SNTG1: variants seen among roughly 807,000 people sequenced by gnomAD.
SNTG1 encodes syntrophin gamma 1.
Under a neutral mutation model 74.7 loss-of-function variants are expected in SNTG1, and 39 were observed. The ratio of observed to expected loss-of-function variants is 0.52; its 90% CI spans 0.40 to 0.68. The LOEUF (loss-of-function observed/expected upper bound fraction) is 0.68. Ranked by LOEUF, SNTG1 falls within the 30% of genes least tolerant of loss-of-function variation. SNTG1 has a pLI of 0.00. For missense variants in SNTG1, 685 were observed against 609.5 expected, an observed-to-expected ratio of 1.12 and a Z score of -1.30; for synonymous variants, 254 against 217.1, an observed-to-expected ratio of 1.17 and a Z score of -1.49.
chr8:50,160,456 A>G (rs6999870), intron 1 of SNTG1, among the ~76,000 whole-genome samples: 66,086 of 152,082 alleles, frequency 0.43, 18,090 homozygotes, highest in African/African-American at 0.79. Context: ...TTAAAGGGTC[A>G]TATGGATTGC....
At chr8:50,115,525 G>A (rs1248056758) in intron 1 of SNTG1, among the ~76,000 whole-genome samples, 2 of 134,760 alleles carry the variant, frequency 1.5e-5, no homozygotes, top group Non-Finnish European at 3.1e-5. Context: ...CCAAGATCTT[G>A]CCATTGCACT....
chr8:50,408,291 T>C (rs1181575761), intron 4 of SNTG1, among the ~76,000 whole-genome samples: 1 of 152,110 alleles, frequency 6.6e-6, no homozygotes, highest in East Asian at 1.9e-4. Flanking sequence ...AACTATAAAC[T>C]ACATTTTTCC....
At chr8:50,306,082 G>A (rs11985777) in intron 2 of SNTG1, among the ~76,000 whole-genome samples, 10,060 of 130,730 alleles carry the variant, frequency 0.077, 377 homozygotes, top group African/African-American at 0.1. Context: ...AAAGTCCATT[G>A]TATCACTTTG....
At chr8:50,770,999 A>G (rs993790279) in intron 18 of SNTG1, among the ~76,000 whole-genome samples, 1 of 152,104 alleles carries the variant, frequency 6.6e-6, no homozygotes, top group Non-Finnish European at 1.5e-5. Flanking sequence ...CTTTTTTAAA[A>G]GATAAATTAT....
chr8:50,606,164 A>T (rs1364350711), intron 13 of SNTG1, among the ~76,000 whole-genome samples: 1 of 152,192 alleles, frequency 6.6e-6, no homozygotes, highest in East Asian at 1.9e-4. Context: ...TCTAAACAGA[A>T]AGTTAGAAAC....
intron 17 of SNTG1, chr8:50,709,213 C>T (rs963252147): frequency 1.9e-6 from 1 of 527,052 alleles, no homozygotes; most frequent in Non-Finnish European, 3.4e-6. Flanking sequence ...ATTTATAAGT[C>T]TATCTATGTA....
chr8:50,039,990 G>A (rs1382908868), intron 1 of SNTG1, among the ~76,000 whole-genome samples: 4 of 152,078 alleles, frequency 2.6e-5, no homozygotes, highest in Non-Finnish European at 5.9e-5. Flanking sequence ...GTGTCCAAGG[G>A]GCAGTGCACA....
chr8:50,283,139 T>C lies in SNTG1; in HGVS notation c.-28+110504T>C, dbSNP rs191896958. On this transcript the variant is annotated intron_variant, in intron 2 of 18. Transcript: ENST00000642720. Reference sequence around the variant, plus strand: ...AAAACATTAAGTAATCAACAGTGTTTGAAACAAAAAAGCGACAAAAATTAC... The same window carrying C: ...AAAACATTAAGTAATCAACAGTGTTCGAAACAAAAAAGCGACAAAAATTAC... Among the ~76,000 whole-genome samples the C allele has an allele frequency of 9.8e-5, 15 of 152,312 alleles. No individual in the cohort carries two copies. The East Asian group carries it at 2.9e-3, about 29-fold the overall frequency.
At chr8:50,374,205 AG>A (rs1347007590) in intron 2 of SNTG1, among the ~76,000 whole-genome samples, 2 of 152,210 alleles carry the variant, frequency 1.3e-5, no homozygotes, top group African/African-American at 4.8e-5. Context: ...AATTCCCTTT[AG>A]GCAAATCTTC....
intron 1 of SNTG1, among the ~76,000 whole-genome samples, chr8:49,934,097 T>G (rs894537816): frequency 6.6e-6 from 1 of 152,182 alleles, no homozygotes; most frequent in African/African-American, 2.4e-5. Context: ...CGTAAGTCTC[T>G]TATCTAGTTA....
chr8:50,660,384 A>G (rs2095214112), intron 15 of SNTG1, among the ~76,000 whole-genome samples: 1 of 116,154 alleles, frequency 8.6e-6, no homozygotes, highest in Non-Finnish European at 1.8e-5. Flanking sequence ...GAAGGAAGGA[A>G]GGAAGGAAGA....
intron 2 of SNTG1, among the ~76,000 whole-genome samples, chr8:50,293,983 T>G (rs183053660): frequency 6.6e-6 from 1 of 152,294 alleles, no homozygotes; most frequent in Non-Finnish European, 1.5e-5. Context: ...AAAGAACGTC[T>G]TATCAAGAAA....
chr8:50,633,407 C>G (rs946425793), intron 13 of SNTG1, among the ~76,000 whole-genome samples: 2 of 152,158 alleles, frequency 1.3e-5, no homozygotes, highest in Admixed American at 6.5e-5. Context: ...CATAGCCACT[C>G]TGGGTAAAAA....
intron 18 of SNTG1, among the ~76,000 whole-genome samples, chr8:50,791,514 C>A (rs2095690553): frequency 6.6e-6 from 1 of 151,604 alleles, no homozygotes; most frequent in Non-Finnish European, 1.5e-5. Flanking sequence ...AGAAAATACT[C>A]CTCGGATGAA....
At position 50,462,679 on chromosome 8, in the gene SNTG1, GGAAGAGTTTCCTT is replaced by G. The variant is rs538497184; in HGVS notation, c.363+11951_363+11963del. On this transcript the variant is annotated intron_variant, in intron 8 of 18. Transcript: ENST00000642720. ...AAGAACGTTCACAGCATCTTCACCA[GGAAGAGTTTCCTT>G]TGCAATAAACCACTTTCTTTGCTCT... is the stretch of plus-strand genomic sequence containing the variant. Among the ~76,000 whole-genome samples, 252 of 151,908 alleles carry G rather than the reference GGAAGAGTTTCCTT, an allele frequency of 1.7e-3. 1 individual carries two copies. The highest frequency in any genetic ancestry group is 3.5e-3 in the Admixed American group (53 of 15,262).
intron 1 of SNTG1, among the ~76,000 whole-genome samples, chr8:50,027,334 C>T (rs1466782132): frequency 6.6e-6 from 1 of 152,076 alleles, no homozygotes; most frequent in Non-Finnish European, 1.5e-5. Context: ...TTGACACCAG[C>T]CTTATCCAGA....
Position 50,324,780 on chromosome 8 carries a change from T to C in SNTG1, c.-27-69432T>C, listed in dbSNP as rs543717703. 9.9e-5 allele frequency among the ~76,000 whole-genome samples: 15 copies of C among 152,088 alleles called. No individual in the cohort carries two copies. The East Asian group carries it at 2.9e-3, about 29-fold the overall frequency. ...GAACTCTAGCTTATCAATAATTTCT[T>C]TCATGAACTATGCCTCTGGTTATAT... On this transcript the variant is annotated intron_variant, in intron 2 of 18. Transcript: ENST00000642720.
At chr8:50,491,334 A>T (rs2093851349) in intron 8 of SNTG1, 1 of 152,326 alleles carries the variant, frequency 6.6e-6, no homozygotes, top group African/African-American at 2.4e-5. Context: ...CTTAAGTTGT[A>T]CACTTTATTA....
chr8:50,355,376 A>G (rs2091789811), intron 2 of SNTG1, among the ~76,000 whole-genome samples: 1 of 152,170 alleles, frequency 6.6e-6, no homozygotes, highest in Non-Finnish European at 1.5e-5. Flanking sequence ...TTTACTGAAA[A>G]ATAGAAAATT....
Sources: allele counts gnomAD v4.1 joint callset (sites outside exome capture counted in the v4.1 genomes callset), GRCh38; gene constraint gnomAD v4.1.1; transcripts MANE v1.5; gene names NCBI Gene and HGNC (gene_info 2026-07-23, HGNC 2026-07-21).